The following B4GALT5 variants were observed in gnomAD, a reference collection of about 807,000 sequenced individuals.
B4GALT5 encodes beta-1,4-galactosyltransferase 5.
A neutral mutation model predicts 45.0 loss-of-function variants in B4GALT5; 11 were observed. That is an observed-to-expected ratio of 0.24 (90% confidence interval 0.15 to 0.40). The LOEUF is 0.40. Ranked by LOEUF, B4GALT5 falls within the 10% of genes least tolerant of loss-of-function variation. B4GALT5 has a pLI of 1.00. For missense variants in B4GALT5, 337 were observed against 500.2 expected, an observed-to-expected ratio of 0.67 and a Z score of 3.11; for synonymous variants, 185 against 182.9, an observed-to-expected ratio of 1.01 and a Z score of -0.09.
chr20:49,636,542 A>G (rs2085554795), intron 8 of B4GALT5, 83 bp from the exon 9 acceptor site: 1 of 1,467,416 alleles, frequency 6.8e-7, no homozygotes, highest in African/African-American at 1.4e-5. Context: ...AGGGCGTCCC[A>G]CAGCAGAGGA....
At chr20:49,679,652 G>A (rs973645346) in intron 1 of B4GALT5, among the ~76,000 whole-genome samples, 6 of 151,600 alleles carry the variant, frequency 4.0e-5, no homozygotes, top group African/African-American at 9.7e-5. Flanking sequence ...CTCCAACCTG[G>A]GCAACAAAGT....
Position 49,642,438 on chromosome 20 carries a change from AAAAAGAAAGG to A in B4GALT5, c.606+20_606+29del, listed in dbSNP as rs1428602614. On this transcript the variant is annotated intron_variant, in intron 5 of 8. Transcript: ENST00000371711. ...ACCTAAACTGCTGTCTCAGAAGAGA[AAAAAGAAAGG>A]AAAAGAAAGGACTACTCACTTGTTC... The A allele has an allele frequency of 3.9e-6, 6 of 1,527,024 alleles. No homozygotes were observed. The highest frequency in any genetic ancestry group is 1.8e-5 in the Admixed American group (1 of 56,710). 94.6% of individuals were successfully genotyped at this position (1,527,024 alleles called of 1,614,324 possible). A position where few individuals can be genotyped will look rare whatever the true frequency, so the allele number is the denominator to read the frequency against.
At chr20:49,713,511 C>G in intron 1 of B4GALT5, 65 bp downstream of exon 1, 1 of 1,493,052 alleles carries the variant, frequency 6.7e-7, no homozygotes, top group Non-Finnish European at 9.1e-7. Context: ...TAGGGAGGGG[C>G]GGGGATTCCC....
chr20:49,647,131 G>T, intron 2 of B4GALT5, 53 bp from the exon 3 acceptor site: 1 of 1,095,074 alleles, frequency 9.1e-7, no homozygotes, highest in Non-Finnish European at 1.4e-6. Flanking sequence ...GATCAACCGT[G>T]CAATTATCAG....
At chr20:49,710,924 G>A (rs2085907388) in intron 1 of B4GALT5, among the ~76,000 whole-genome samples, 1 of 151,848 alleles carries the variant, frequency 6.6e-6, no homozygotes, top group Admixed American at 6.6e-5. Flanking sequence ...ACAAAAAACT[G>A]TTTTAAAAGT....
intron 1 of B4GALT5, among the ~76,000 whole-genome samples, chr20:49,677,847 G>A (rs2085745657): frequency 6.6e-6 from 1 of 152,340 alleles, no homozygotes; most frequent in South Asian, 2.1e-4. Context: ...CCAAGTTGAA[G>A]CAATTCTCCT....
intron 3 of B4GALT5, among the ~76,000 whole-genome samples, chr20:49,645,312 T>TA (rs1568716325): frequency 6.6e-6 from 1 of 152,228 alleles, no homozygotes; most frequent in African/African-American, 2.4e-5. Context: ...GGATGGCATA[T>TA]ACGGTGGTTG....
chr20:49,642,403 G>C, intron 5 of B4GALT5, 65 bp downstream of exon 5: 2 of 1,230,872 alleles, frequency 1.6e-6, no homozygotes, highest in South Asian at 1.3e-5. Flanking sequence ...CAGTGGATTA[G>C]CTTGCAGCAA....
chr20:49,688,357 A>T (rs985219147), intron 1 of B4GALT5, among the ~76,000 whole-genome samples: 2 of 152,208 alleles, frequency 1.3e-5, no homozygotes, highest in Admixed American at 1.3e-4. Context: ...GACAAAGATT[A>T]AAGTTCAGGA....
Position 49,633,978 on chromosome 20 carries a change from C to G in B4GALT5, c.*2334G>C, listed in dbSNP as rs964074496. ...GGAGGGGGGTCTTTATTGCTATATGCACCATAAAACAAAGGAAAACCAAAT... is the reference window on the plus strand; with the variant it reads ...GGAGGGGGGTCTTTATTGCTATATGGACCATAAAACAAAGGAAAACCAAAT... On this transcript the variant is annotated 3_prime_UTR_variant, in exon 9 of 9. Transcript: ENST00000371711. The G allele has an allele frequency of 6.6e-6, 1 of 152,494 alleles. No homozygotes were observed. Among genetic ancestry groups the G allele is most frequent in the Non-Finnish European group, 1.5e-5 (1 of 68,010 alleles). The allele number at this position is 152,494 out of a possible 1,614,324, so 9.4% of individuals were successfully genotyped here.
intron 1 of B4GALT5, among the ~76,000 whole-genome samples, chr20:49,707,510 G>GA (rs146674391): frequency 0.014 from 1,963 of 144,010 alleles, 36 homozygotes; most frequent in African/African-American, 0.047. Context: ...TTCATGTCAA[G>GA]AAAAAAAAAA....
intron 1 of B4GALT5, among the ~76,000 whole-genome samples, chr20:49,684,958 G>A (rs78587670): frequency 6.6e-6 from 1 of 152,296 alleles, no homozygotes; most frequent in East Asian, 1.9e-4. Context: ...AAGCCTTTCA[G>A]TTTAGAGTAA....
At chr20:49,697,625 G>T (rs1271274207) in intron 1 of B4GALT5, among the ~76,000 whole-genome samples, 1 of 148,104 alleles carries the variant, frequency 6.8e-6, no homozygotes, top group Admixed American at 6.8e-5. Flanking sequence ...ACCTGGTTTA[G>T]TAAGACATCT....
chr20:49,668,763 C>T (rs2085703076), intron 1 of B4GALT5, among the ~76,000 whole-genome samples: 2 of 152,244 alleles, frequency 1.3e-5, no homozygotes, highest in South Asian at 2.1e-4. Flanking sequence ...ACCGCCCCCA[C>T]TCCACCGACC....
At chr20:49,683,385 A>ATTTTTTTTTT (rs66503719) in intron 1 of B4GALT5, among the ~76,000 whole-genome samples, 1 of 96,628 alleles carries the variant, frequency 1.0e-5, no homozygotes, top group African/African-American at 4.1e-5. Flanking sequence ...ACAGGTTTAA[A>ATTTTTTTTTT]TTTTTTTTTT....
chr20:49,650,077 ACT>A (rs1270556223), intron 2 of B4GALT5, among the ~76,000 whole-genome samples: 1 of 152,068 alleles, frequency 6.6e-6, no homozygotes, highest in African/African-American at 2.4e-5. Flanking sequence ...GATATCACTA[ACT>A]CTAATGATTC....
intron 1 of B4GALT5, among the ~76,000 whole-genome samples, chr20:49,682,961 G>A (rs1276412927): frequency 6.6e-6 from 1 of 152,054 alleles, no homozygotes; most frequent in Non-Finnish European, 1.5e-5. Flanking sequence ...CGGCATGGTG[G>A]TGTGCACCTG....
intron 3 of B4GALT5, among the ~76,000 whole-genome samples, chr20:49,644,524 T>C (rs1419539500): frequency 6.6e-6 from 1 of 152,250 alleles, no homozygotes; most frequent in Non-Finnish European, 1.5e-5. Context: ...GATTATGTCC[T>C]AACTCAGAAT....
intron 1 of B4GALT5, among the ~76,000 whole-genome samples, chr20:49,677,194 C>T (rs1909443141): frequency 6.6e-6 from 1 of 152,088 alleles, no homozygotes; most frequent in African/African-American, 2.4e-5. Flanking sequence ...TCAATAACCA[C>T]ACCCGCTATG....
Sources: allele counts gnomAD v4.1 joint callset (sites outside exome capture counted in the v4.1 genomes callset), GRCh38; gene constraint gnomAD v4.1.1; transcripts MANE v1.5; gene names NCBI Gene and HGNC (gene_info 2026-07-23, HGNC 2026-07-21).